Variants in ARK2C observed in about 807,000 individuals in gnomAD.
ARK2C encodes the protein E3 ubiquitin-protein ligase ARK2C.
At chr18:46,387,662 G>C in the ARK2C span, among the ~76,000 whole-genome samples, 3 of 152,230 alleles carry the variant, frequency 2.0e-5, no homozygotes, top group Admixed American at 2.0e-4. Flanking sequence ...AGGGTGCAAG[G>C]GCCCCTGAAT....
the ARK2C span, chr18:46,456,930 G>T: frequency 2.5e-6 from 1 of 406,156 alleles, no homozygotes; most frequent in Non-Finnish European, 4.6e-6. Context: ...GAGAACCCAG[G>T]TGGGATCCTG....
chr18:46,383,631 T>C, the ARK2C span, among the ~76,000 whole-genome samples: 1 of 142,680 alleles, frequency 7.0e-6, no homozygotes, highest in Non-Finnish European at 1.5e-5. Context: ...CTCAGCTCAC[T>C]GCAAGCTCTG....
At chr18:46,447,486 G>T in the ARK2C span, 1 of 1,540,942 alleles carries the variant, frequency 6.5e-7, no homozygotes, top group Non-Finnish European at 9.0e-7. Flanking sequence ...TACTCCATAG[G>T]CTTGATGTCT....
the ARK2C span, among the ~76,000 whole-genome samples, chr18:46,375,565 A>G: frequency 2.1e-5 from 2 of 96,582 alleles, no homozygotes; most frequent in African/African-American, 6.1e-5. Flanking sequence ...AATAATAATA[A>G]TAATAATAAT....
the ARK2C span, among the ~76,000 whole-genome samples, chr18:46,360,629 C>T: frequency 6.6e-6 from 1 of 152,180 alleles, no homozygotes; most frequent in African/African-American, 2.4e-5. Context: ...GCGAAAGACC[C>T]CTGCATTAGT....
chr18:46,438,773 AGTGACAG>A, the ARK2C span, among the ~76,000 whole-genome samples: 1 of 152,228 alleles, frequency 6.6e-6, no homozygotes, highest in Non-Finnish European at 1.5e-5. Context: ...TCATTTCCCA[AGTGACAG>A]GCTCATCATG....
chr18:46,450,446 T>G, the ARK2C span: 1 of 1,363,408 alleles, frequency 7.3e-7, no homozygotes, highest in East Asian at 2.3e-5. Context: ...GAGATGCCAT[T>G]ATTGTTATCA....
At chr18:46,401,208 G>A in the ARK2C span, among the ~76,000 whole-genome samples, 4 of 152,238 alleles carry the variant, frequency 2.6e-5, no homozygotes, top group Admixed American at 2.0e-4. Flanking sequence ...CTGTCCGTGA[G>A]TGAGGATTTG....
chr18:46,407,388 CAT>C, the ARK2C span, among the ~76,000 whole-genome samples: 1 of 152,140 alleles, frequency 6.6e-6, no homozygotes, highest in African/African-American at 2.4e-5. Context: ...TGCTTGCTCA[CAT>C]GTTTTCTCTT....
chr18:46,433,536 C>T, the ARK2C span: 1 of 1,558,890 alleles, frequency 6.4e-7, no homozygotes, highest in Non-Finnish European at 8.7e-7. Flanking sequence ...AGGTGGGGAC[C>T]CGGATGGGGT....
the ARK2C span, chr18:46,334,274 G>A: frequency 6.5e-7 from 1 of 1,544,802 alleles, no homozygotes. The surrounding 1 kb of genome is among the most constrained non-coding windows in gnomAD (Gnocchi z 4.4). Context: ...GAGGAGCCAG[G>A]ATGGTCCTGG....
the ARK2C span, among the ~76,000 whole-genome samples, chr18:46,360,963 C>T: frequency 1.3e-5 from 2 of 152,220 alleles, no homozygotes; most frequent in Non-Finnish European, 1.5e-5. Context: ...TCCAAGTGGA[C>T]GTCCACAGAA....
chr18:46,356,638 C>A, the ARK2C span, among the ~76,000 whole-genome samples: 1 of 152,164 alleles, frequency 6.6e-6, no homozygotes, highest in South Asian at 2.1e-4. Context: ...CAGATTCCAT[C>A]ATGGGTTCCC....
At chr18:46,441,274 G>A in the ARK2C span, among the ~76,000 whole-genome samples, 1,787 of 152,282 alleles carry the variant, frequency 0.012, 34 homozygotes, top group African/African-American at 0.041. Context: ...TTACAGGTGT[G>A]AGCCACTGTG....
chr18:46,341,528 C>T, the ARK2C span, among the ~76,000 whole-genome samples: 1 of 152,228 alleles, frequency 6.6e-6, no homozygotes, highest in African/African-American at 2.4e-5. Context: ...GTTTAGTGTA[C>T]AGATAAGCAC....
the ARK2C span, among the ~76,000 whole-genome samples, chr18:46,369,427 T>C: frequency 2.1e-4 from 32 of 152,104 alleles, no homozygotes; most frequent in Middle Eastern, 3.4e-3. Context: ...AGGAAGCTGA[T>C]TGACTCGGGA....
the ARK2C span, among the ~76,000 whole-genome samples, chr18:46,391,568 C>A: frequency 3.3e-5 from 5 of 152,016 alleles, no homozygotes; most frequent in African/African-American, 1.2e-4. Flanking sequence ...TGGGGCAGGC[C>A]CTGCTCGAGC....
At chr18:46,397,129 G>T in the ARK2C span, among the ~76,000 whole-genome samples, 3 of 152,292 alleles carry the variant, frequency 2.0e-5, no homozygotes, top group Non-Finnish European at 2.9e-5. Flanking sequence ...GTCTGGGAGG[G>T]CCCTGCCGGA....
the ARK2C span, among the ~76,000 whole-genome samples, chr18:46,450,975 AG>A: frequency 6.6e-6 from 1 of 152,158 alleles, no homozygotes; most frequent in South Asian, 2.1e-4. Flanking sequence ...TTTCTGTGCC[AG>A]GTGTGGCCAG....
Sources: gnomAD v4.1 joint callset for allele counts (sites outside exome capture counted in the v4.1 genomes callset) on GRCh38, gnomAD v4.1.1 for gene constraint, Gnocchi (gnomAD v3.1) non-coding constraint, MANE v1.5 for transcripts, NCBI Gene and HGNC (gene_info 2026-07-23, HGNC 2026-07-21) for gene names.